GAS2: variants seen among roughly 807,000 people sequenced by gnomAD.
GAS2 encodes growth arrest specific 2, also known as growth arrest-specific protein 2.
GAS2 carries 20 observed loss-of-function variants against 37.5 expected under a neutral mutation model. The observed-to-expected ratio is 0.53, with a 90% CI of 0.37 to 0.77. The LOEUF (loss-of-function observed/expected upper bound fraction) is 0.77. GAS2 is among the 30% of genes least tolerant of loss of function. GAS2 has a pLI of 0.00. For missense variants in GAS2, 336 were observed against 373.4 expected, an observed-to-expected ratio of 0.90 and a Z score of 0.82; for synonymous variants, 144 against 132.2, an observed-to-expected ratio of 1.09 and a Z score of -0.61.
intron 3 of GAS2, among the ~76,000 whole-genome samples, chr11:22,697,301 A>G (rs369212549): frequency 2.6e-5 from 4 of 151,978 alleles, no homozygotes; most frequent in Non-Finnish European, 5.9e-5. Flanking sequence ...CCATTGGTCT[A>G]TATCTCTGTT....
At chr11:22,649,525 C>T (rs1345564616) in intron 1 of GAS2, among the ~76,000 whole-genome samples, 3 of 151,970 alleles carry the variant, frequency 2.0e-5, no homozygotes, top group South Asian at 2.1e-4. Context: ...TGGTAGAATT[C>T]GGCTGTGAAT....
intron 3 of GAS2, among the ~76,000 whole-genome samples, chr11:22,695,704 C>T (rs1212782487): frequency 1.3e-5 from 2 of 152,092 alleles, no homozygotes; most frequent in Non-Finnish European, 2.9e-5. Flanking sequence ...TATTCAACAG[C>T]TCACAAATGA....
intron 1 of GAS2, among the ~76,000 whole-genome samples, chr11:22,654,413 C>CT (rs1184082703): frequency 2.8e-5 from 4 of 143,568 alleles, no homozygotes; most frequent in East Asian, 2.1e-4. Context: ...TTTTCTTTTT[C>CT]TTTTTTTTGT....
At chr11:22,724,870 G>A (rs1157775372) in intron 3 of GAS2, among the ~76,000 whole-genome samples, 3 of 151,962 alleles carry the variant, frequency 2.0e-5, no homozygotes. Context: ...AAGAACTCTA[G>A]TAAGAGTTGC....
In GAS2 at chr11:22,783,191, A is replaced by G. The variant is rs1259203795; in HGVS notation, c.723+27238A>G. Among the ~76,000 whole-genome samples, 3 of 150,808 alleles carry G rather than the reference A, an allele frequency of 2.0e-5. No individual in the cohort carries two copies. The Admixed American group carries it at 2.0e-4, about 10-fold the overall frequency. On this transcript the variant is annotated intron_variant, in intron 7 of 7. Transcript: ENST00000454584. ...GGCTTTGATTTGTATTTCTCTGATGATTAGTGATGATGAGCATTTTTTCAT... is the reference window on the plus strand; with the variant it reads ...GGCTTTGATTTGTATTTCTCTGATGGTTAGTGATGATGAGCATTTTTTCAT...
At chr11:22,666,394 T>C (rs1170632390), upstream of GAS2, among the ~76,000 whole-genome samples, 1 of 152,180 alleles carries the variant, frequency 6.6e-6, no homozygotes, top group Admixed American at 6.5e-5. Context: ...AATTTTAATA[T>C]TGTGCTAAAG....
chr11:22,692,359 C>T (rs896635642), intron 3 of GAS2, among the ~76,000 whole-genome samples: 1 of 152,162 alleles, frequency 6.6e-6, no homozygotes. Context: ...GACGTGCGCC[C>T]ATGATACAGC....
chr11:22,649,514 C>G (rs1023210950), intron 1 of GAS2, among the ~76,000 whole-genome samples: 15 of 152,032 alleles, frequency 9.9e-5, no homozygotes, highest in South Asian at 2.1e-4. Flanking sequence ...CCTTGTACCT[C>G]TGGTAGAATT....
intron 2 of GAS2, among the ~76,000 whole-genome samples, chr11:22,682,027 CTT>C (rs1254266462): frequency 1.3e-5 from 2 of 151,776 alleles, no homozygotes; most frequent in Non-Finnish European, 1.5e-5. Context: ...AAGTCTCAGA[CTT>C]GTGTTTTTTC....
intron 1 of GAS2, among the ~76,000 whole-genome samples, chr11:22,629,320 G>A (rs571128041): frequency 1.1e-3 from 167 of 151,914 alleles, no homozygotes; most frequent in Non-Finnish European, 2.0e-3. Flanking sequence ...CACCACATCC[G>A]TGCCAGCATC....
In GAS2 at chr11:22,755,915, G is replaced by C; in HGVS notation, c.685G>C (p.Gly229Arg). 1.2e-6 allele frequency: 2 copies of C among 1,612,634 alleles called. No homozygotes were observed. Among genetic ancestry groups the C allele is most frequent in the Non-Finnish European group, 1.7e-6 (2 of 1,178,982 alleles). The stretch of plus-strand genomic sequence containing the variant: ...GTTCTGTGTGGAGCGGCTCTCCCAA[G>C]GAAGATACCGAGTGGGAGAAAAGAT... ...NKFCVERLSQGRYRVGEKILF... is the reference protein window; with the variant it reads ...NKFCVERLSQRRYRVGEKILF... Residue 229 changes from glycine to arginine, a missense_variant, in exon 7 of 8, where the codon GGA becomes CGA. Physicochemically the swap from Gly to Arg is moderately radical, Grantham distance 125 (BLOSUM62 -2). Transcript: ENST00000454584.
chr11:22,636,483 G>T (rs1217162972), intron 1 of GAS2, among the ~76,000 whole-genome samples: 1 of 152,016 alleles, frequency 6.6e-6, no homozygotes, highest in Non-Finnish European at 1.5e-5. Flanking sequence ...ATGCAATTTG[G>T]GATACTGATC....
At chr11:22,775,568 A>G (rs542205451) in intron 7 of GAS2, among the ~76,000 whole-genome samples, 1 of 152,238 alleles carries the variant, frequency 6.6e-6, no homozygotes, top group African/African-American at 2.4e-5. Flanking sequence ...TGAGAATTTT[A>G]TGTAGAATAA....
chr11:22,646,597 A>T (rs1426203414), intron 1 of GAS2, among the ~76,000 whole-genome samples: 1 of 152,246 alleles, frequency 6.6e-6, no homozygotes, highest in Non-Finnish European at 1.5e-5. Flanking sequence ...GAAATATGCA[A>T]CTGAAACTTT....
chr11:22,760,609 G>A (rs1854339194), intron 7 of GAS2, among the ~76,000 whole-genome samples: 2 of 152,212 alleles, frequency 1.3e-5, no homozygotes, highest in South Asian at 4.1e-4. Context: ...ATTGTTGGAA[G>A]GAAATGCTTA....
chr11:22,782,572 C>G (rs979915239), intron 7 of GAS2, among the ~76,000 whole-genome samples: 20 of 151,922 alleles, frequency 1.3e-4, no homozygotes, highest in African/African-American at 4.1e-4. Context: ...TCCTTTTCCC[C>G]TCTAGTAGTC....
chr11:22,800,353 C>T (rs1856608855), intron 7 of GAS2, among the ~76,000 whole-genome samples: 1 of 152,066 alleles, frequency 6.6e-6, no homozygotes, highest in African/African-American at 2.4e-5. Context: ...ATCTTCGCCA[C>T]ATTGCCAATT....
chr11:22,698,083 G>T (rs1234658983), intron 3 of GAS2, among the ~76,000 whole-genome samples: 1 of 152,084 alleles, frequency 6.6e-6, no homozygotes, highest in South Asian at 2.1e-4. Flanking sequence ...CTATGGAGCT[G>T]GGTTTTTGAA....
At chr11:22,705,209 G>C (rs1370019558) in intron 3 of GAS2, among the ~76,000 whole-genome samples, 8 of 152,068 alleles carry the variant, frequency 5.3e-5, no homozygotes. Context: ...ACCCGACTTT[G>C]TTGCAGCCAC....
Sources: allele counts gnomAD v4.1 joint callset (sites outside exome capture counted in the v4.1 genomes callset), GRCh38; gene constraint gnomAD v4.1.1; transcripts MANE v1.5; gene names NCBI Gene and HGNC (gene_info 2026-07-23, HGNC 2026-07-21).